The following PRKCB variants were observed in gnomAD, a reference collection of about 807,000 sequenced individuals.
PRKCB encodes protein kinase C beta.
In PRKCB, 13 loss-of-function variants were observed where a neutral mutation model predicts 81.5. That is an observed-to-expected ratio of 0.16 (90% confidence interval 0.10 to 0.25). The LOEUF (loss-of-function observed/expected upper bound fraction) is 0.25. PRKCB is among the 10% of genes least tolerant of loss of function. The pLI, the probability that PRKCB is intolerant of heterozygous loss-of-function variation, is 1.00. For missense variants in PRKCB, 509 were observed against 875.7 expected (o/e 0.58, Z 5.29); for synonymous variants, 335 against 321.4 (o/e 1.04, Z -0.45).
intron 3 of PRKCB, among the ~76,000 whole-genome samples, chr16:24,007,348 T>C (rs554288754): frequency 1.3e-5 from 2 of 152,368 alleles, no homozygotes; most frequent in African/African-American, 4.8e-5. Context: ...TGGAATTGCA[T>C]GCATTTATCT....
At chr16:23,956,870 C>T (rs771254167) in intron 2 of PRKCB, among the ~76,000 whole-genome samples, 4 of 147,400 alleles carry the variant, frequency 2.7e-5, no homozygotes, top group Middle Eastern at 3.6e-3. Flanking sequence ...AAAAAAATGG[C>T]TTATTTAATA....
rs10639027 is a variant in PRKCB, at chr16:24,219,245, C to CTTTTGTTTTGTTTTGTTTTGTTTTG, written c.*4434_*4458dup. Reference sequence around the variant, plus strand: ...AGGAGAATCGAGTTGCTTTGAGTTTCTTTTGTTTTGTTTTGTTTTGTTTTG... The same window carrying CTTTTGTTTTGTTTTGTTTTGTTTTG: ...AGGAGAATCGAGTTGCTTTGAGTTTCTTTTGTTTTGTTTTGTTTTGTTTTGTTTTGTTTTGTTTTGTTTTGTTTTG... On this transcript the variant is annotated 3_prime_UTR_variant, in exon 17 of 17. Coordinates refer to ENST00000643927, the MANE Select transcript of PRKCB (RefSeq NM_002738.7). The CTTTTGTTTTGTTTTGTTTTGTTTTG allele has an allele frequency of 6.2e-4, 608 of 981,980 alleles. 3 individuals carry two copies. In the African/African-American group the frequency reaches 7.5e-3, roughly 12 times the overall value. 60.8% of individuals were successfully genotyped at this position (981,980 alleles called of 1,614,324 possible).
At chr16:24,098,062 T>C (rs1004147124) in intron 7 of PRKCB, among the ~76,000 whole-genome samples, 3 of 152,202 alleles carry the variant, frequency 2.0e-5, no homozygotes, top group African/African-American at 7.2e-5. Context: ...CTTCTCATCA[T>C]GGCCTGAAAC....
chr16:23,907,893 A>G (rs1299954763), intron 2 of PRKCB, among the ~76,000 whole-genome samples: 1 of 152,218 alleles, frequency 6.6e-6, no homozygotes, highest in Non-Finnish European at 1.5e-5. Context: ...TCCAGGAACA[A>G]TGACTCTGAG....
intron 5 of PRKCB, among the ~76,000 whole-genome samples, chr16:24,053,997 G>T (rs185510946): frequency 1.3e-3 from 195 of 152,266 alleles, no homozygotes; most frequent in African/African-American, 4.2e-3. Flanking sequence ...TTTAGATACA[G>T]GTTCTCACTG....
At chr16:24,188,452 A>T (rs996829431) in intron 15 of PRKCB, among the ~76,000 whole-genome samples, 1 of 152,162 alleles carries the variant, frequency 6.6e-6, no homozygotes, top group African/African-American at 2.4e-5. Context: ...TTAATGCTGG[A>T]TGTTTTTGCA....
intron 7 of PRKCB, among the ~76,000 whole-genome samples, chr16:24,100,911 G>T (rs1966498526): frequency 6.6e-6 from 1 of 152,120 alleles, no homozygotes; most frequent in South Asian, 2.1e-4. Context: ...GAAATCATAG[G>T]GGGTCAAAGC....
At chr16:23,874,568 CTTTTTT>C (rs58560122) in intron 2 of PRKCB, among the ~76,000 whole-genome samples, 1 of 133,052 alleles carries the variant, frequency 7.5e-6, no homozygotes, top group Admixed American at 7.4e-5. Flanking sequence ...ATTCTTCTCT[CTTTTTT>C]TTTTTTTTTG....
rs190971807 is a variant in PRKCB, at chr16:23,981,111, T to G, written c.206-7397T>G. Reference sequence around the variant, plus strand: ...CTAAAATGGCACACATTTATTATCTTATACTTCTAGATGTCAACATTCTGA... The same window carrying G: ...CTAAAATGGCACACATTTATTATCTGATACTTCTAGATGTCAACATTCTGA... On this transcript the variant is annotated intron_variant, in intron 2 of 16. Transcript: ENST00000643927. Among the ~76,000 whole-genome samples the G allele has an allele frequency of 3.4e-3, 515 of 152,262 alleles. 8 individuals are homozygous for G. The highest frequency in any genetic ancestry group is 1.9e-3 in the Non-Finnish European group (130 of 68,020).
intron 3 of PRKCB, among the ~76,000 whole-genome samples, chr16:23,990,957 C>A (rs1382234854): frequency 6.6e-6 from 1 of 152,238 alleles, no homozygotes; most frequent in Admixed American, 6.5e-5. Context: ...TACCCCAATG[C>A]AGCCATCACC....
intron 2 of PRKCB, among the ~76,000 whole-genome samples, chr16:23,970,352 C>T (rs1276257596): frequency 2.0e-5 from 3 of 152,208 alleles, no homozygotes; most frequent in Admixed American, 2.0e-4. Flanking sequence ...TGTCCCAGAG[C>T]ACCACCTGGG....
chr16:24,052,601 C>G (rs377381890), intron 5 of PRKCB, among the ~76,000 whole-genome samples: 12 of 152,250 alleles, frequency 7.9e-5, no homozygotes, highest in African/African-American at 2.6e-4. Flanking sequence ...AGGATTCCTC[C>G]TCTTTTTAGA....
At chr16:24,130,848 C>T (rs536437228) in intron 9 of PRKCB, among the ~76,000 whole-genome samples, 1 of 152,208 alleles carries the variant, frequency 6.6e-6, no homozygotes, top group South Asian at 2.1e-4. Context: ...CGTGGCCACA[C>T]TTCAGTGCAA....
At chr16:24,141,135 T>C (rs753853585) in intron 9 of PRKCB, among the ~76,000 whole-genome samples, 4 of 152,212 alleles carry the variant, frequency 2.6e-5, no homozygotes, top group Non-Finnish European at 4.4e-5. Flanking sequence ...AATGGACTCT[T>C]GTCTATATTT....
intron 5 of PRKCB, among the ~76,000 whole-genome samples, chr16:24,087,911 CA>C (rs1262692501): frequency 6.6e-6 from 1 of 152,210 alleles, no homozygotes; most frequent in Non-Finnish European, 1.5e-5. Flanking sequence ...CCACGGCAAG[CA>C]GTGTTCTCTG....
In PRKCB at chr16:24,123,735, C is replaced by T. The variant is rs551131907; in HGVS notation, c.919-100C>T. The T allele has an allele frequency of 1.3e-5, 17 of 1,274,560 alleles. No homozygotes were observed. In the South Asian group the frequency reaches 1.4e-4, roughly 11 times the overall value. 79.0% of individuals were successfully genotyped at this position (1,274,560 alleles called of 1,614,324 possible). A position where few individuals can be genotyped will look rare whatever the true frequency, so the allele number is the denominator to read the frequency against. On this transcript the variant is annotated intron_variant, in intron 8 of 16. Coordinates refer to ENST00000643927, the MANE Select transcript of PRKCB (RefSeq NM_002738.7). The stretch of plus-strand genomic sequence containing the variant: ...TATGCTTTTCATGGGGACAGGGTGC[C>T]GGAGCTGCAGGAACTACAGCTTCCC...
At chr16:23,982,697 A>G (rs1448840459) in intron 2 of PRKCB, among the ~76,000 whole-genome samples, 1 of 152,042 alleles carries the variant, frequency 6.6e-6, no homozygotes, top group African/African-American at 2.4e-5. Context: ...CCAAAGTGCT[A>G]GGATTATAGG....
chr16:23,933,604 G>A (rs1567318262), intron 2 of PRKCB, among the ~76,000 whole-genome samples: 2 of 151,770 alleles, frequency 1.3e-5, no homozygotes, highest in Non-Finnish European at 2.9e-5. Flanking sequence ...GGTTTGCAGA[G>A]CCTTTTGAGA....
At chr16:23,981,959 A>C (rs889696065) in intron 2 of PRKCB, among the ~76,000 whole-genome samples, 3,641 of 14,730 alleles carry the variant, frequency 0.25, no homozygotes, top group Middle Eastern at 0.5. Flanking sequence ...CTTCCCCTTC[A>C]CTTTCCCTTC....
Sources: allele counts gnomAD v4.1 joint callset (sites outside exome capture counted in the v4.1 genomes callset), GRCh38; gene constraint gnomAD v4.1.1; transcripts MANE v1.5; gene names NCBI Gene and HGNC (gene_info 2026-07-23, HGNC 2026-07-21).